The following BBS9 variants were observed in gnomAD, a reference collection of about 807,000 sequenced individuals.
The protein encoded by BBS9 is protein PTHB1.
Under a neutral mutation model 117.7 loss-of-function variants are expected in BBS9, and 89 were observed. That is an observed-to-expected ratio of 0.76 (90% CI 0.64 to 0.90). The LOEUF (loss-of-function observed/expected upper bound fraction) is 0.90. Ranked by LOEUF, BBS9 falls within the 40% of genes least tolerant of loss-of-function variation. The pLI is 0.00. For synonymous variants in BBS9, 379 were observed against 370.9 expected (o/e 1.02, Z -0.25); for missense variants, 982 against 1,042.2 (o/e 0.94, Z 0.80).
At chr7:33,529,679 T>G (rs1850264038) in intron 20 of BBS9, among the ~76,000 whole-genome samples, 1 of 143,592 alleles carries the variant, frequency 7.0e-6, no homozygotes, top group Admixed American at 6.9e-5. Context: ...CTAAAAGCCA[T>G]ACACAGGTCA....
chr7:33,581,290 C>A (rs894282362), intron 21 of BBS9, among the ~76,000 whole-genome samples: 2 of 152,098 alleles, frequency 1.3e-5, no homozygotes, highest in African/African-American at 4.8e-5. Context: ...GTTCTTCTCA[C>A]TGGCGAAATG....
intron 5 of BBS9, among the ~76,000 whole-genome samples, chr7:33,226,993 TG>T (rs2128248442): frequency 6.6e-6 from 1 of 152,278 alleles, no homozygotes; most frequent in East Asian, 1.9e-4. Flanking sequence ...CACTTATGAA[TG>T]TACCTAATGC....
intron 21 of BBS9, among the ~76,000 whole-genome samples, chr7:33,589,152 G>A (rs1265962271): frequency 1.3e-5 from 2 of 152,076 alleles, no homozygotes; most frequent in Admixed American, 6.6e-5. Context: ...ATCCATGGAG[G>A]ATGTGTTCTG....
At chr7:33,399,102 T>C (rs946447344) in intron 19 of BBS9, among the ~76,000 whole-genome samples, 1 of 152,252 alleles carries the variant, frequency 6.6e-6, no homozygotes, top group African/African-American at 2.4e-5. Context: ...TTATTTTATA[T>C]GTGCAGCACA....
chr7:33,414,517 T>C (rs986379404), intron 19 of BBS9, among the ~76,000 whole-genome samples: 2 of 152,202 alleles, frequency 1.3e-5, no homozygotes, highest in African/African-American at 4.8e-5. Context: ...TCTTTGTGTG[T>C]ATACATGCAT....
chr7:33,482,693 T>A (rs909669014), intron 19 of BBS9, among the ~76,000 whole-genome samples: 2 of 152,216 alleles, frequency 1.3e-5, no homozygotes, highest in South Asian at 2.1e-4. Context: ...TCCAGTTCAG[T>A]TGAAATTATA....
chr7:33,616,611 G>C (rs968800333), intron 21 of BBS9, among the ~76,000 whole-genome samples: 2 of 150,918 alleles, frequency 1.3e-5, no homozygotes, highest in East Asian at 2.0e-4. Flanking sequence ...AAAATGGGGG[G>C]TGGGCAAGAA....
intron 5 of BBS9, among the ~76,000 whole-genome samples, chr7:33,218,200 C>T (rs934619400): frequency 6.6e-6 from 1 of 152,092 alleles, no homozygotes; most frequent in Non-Finnish European, 1.5e-5. Flanking sequence ...TACATACTTA[C>T]TGAGTGAATA....
At chr7:33,502,862 A>C (rs1218682403) in intron 19 of BBS9, among the ~76,000 whole-genome samples, 1 of 152,208 alleles carries the variant, frequency 6.6e-6, no homozygotes, top group Non-Finnish European at 1.5e-5. Flanking sequence ...TGTGGATCCC[A>C]GTGCAAAATG....
intron 9 of BBS9, among the ~76,000 whole-genome samples, chr7:33,290,122 C>T (rs889304811): frequency 1.4e-4 from 21 of 151,844 alleles, no homozygotes; most frequent in African/African-American, 3.6e-4. Flanking sequence ...GATTGAATGT[C>T]GCAATAACTT....
At chr7:33,314,166 A>C (rs1809941802) in intron 9 of BBS9, 1 of 335,452 alleles carries the variant, frequency 3.0e-6, no homozygotes, top group African/African-American at 2.2e-5. Flanking sequence ...ATACAGTGGA[A>C]AATTCTGGCC....
chr7:33,468,322 C>T (rs956179778), intron 19 of BBS9, among the ~76,000 whole-genome samples: 2 of 152,094 alleles, frequency 1.3e-5, no homozygotes, highest in Non-Finnish European at 2.9e-5. Flanking sequence ...GCAATGAAGG[C>T]TGACCCTATT....
chr7:33,216,764 A>G (rs893299234), intron 5 of BBS9, among the ~76,000 whole-genome samples: 3 of 152,200 alleles, frequency 2.0e-5, no homozygotes, highest in African/African-American at 7.2e-5. Context: ...GCCTTTCAAA[A>G]AATTCATTGT....
chr7:33,526,605 CT>C (rs1849542135), intron 20 of BBS9, among the ~76,000 whole-genome samples: 2 of 149,708 alleles, frequency 1.3e-5, no homozygotes, highest in South Asian at 4.4e-4. Flanking sequence ...CCATCAGCTC[CT>C]TTAAGCACTT....
At chr7:33,296,183 G>A (rs776947910) in intron 9 of BBS9, among the ~76,000 whole-genome samples, 1 of 152,044 alleles carries the variant, frequency 6.6e-6, no homozygotes, top group Non-Finnish European at 1.5e-5. Context: ...TTAAACTGAT[G>A]TACTATTGCT....
chr7:33,583,093 T>C (rs1388632998), intron 21 of BBS9, among the ~76,000 whole-genome samples: 1 of 152,162 alleles, frequency 6.6e-6, no homozygotes, highest in African/African-American at 2.4e-5. Flanking sequence ...AGACTAACCT[T>C]ACCAAGCTCA....
chr7:33,165,156 C>T (rs1313568342), intron 4 of BBS9, among the ~76,000 whole-genome samples: 1 of 152,044 alleles, frequency 6.6e-6, no homozygotes, highest in Non-Finnish European at 1.5e-5. Flanking sequence ...GAATATTGTC[C>T]CCCACTCTCT....
At chr7:33,552,372 G>A (rs1008966006) in intron 21 of BBS9, among the ~76,000 whole-genome samples, 1 of 152,056 alleles carries the variant, frequency 6.6e-6, no homozygotes, top group Non-Finnish European at 1.5e-5. Context: ...TTATCAGTCA[G>A]CTCTCTACTC....
At chr7:33,194,023 T>C (rs1383958850) in intron 5 of BBS9, among the ~76,000 whole-genome samples, 1 of 152,210 alleles carries the variant, frequency 6.6e-6, no homozygotes, top group Non-Finnish European at 1.5e-5. Flanking sequence ...CTACTCATCA[T>C]AATTGCTGGA....
Sources: allele counts gnomAD v4.1 joint callset (sites outside exome capture counted in the v4.1 genomes callset), GRCh38; gene constraint gnomAD v4.1.1; transcripts MANE v1.5; gene names NCBI Gene and HGNC (gene_info 2026-07-23, HGNC 2026-07-21).